The following DCLK2 variants were observed in gnomAD, a reference collection of about 807,000 sequenced individuals.
DCLK2 encodes the protein doublecortin like kinase 2, also known as serine/threonine-protein kinase DCLK2.
Under a neutral mutation model 78.4 loss-of-function variants are expected in DCLK2, and 31 were observed. The ratio of observed to expected loss-of-function variants is 0.40; its 90% CI spans 0.30 to 0.53. The LOEUF (loss-of-function observed/expected upper bound fraction) is 0.53, where lower values mean the gene tolerates loss of function less well. Ranked by LOEUF, DCLK2 falls within the 20% of genes least tolerant of loss-of-function variation. The pLI, the probability that DCLK2 is intolerant of heterozygous loss-of-function variation, is 0.61. For synonymous variants in DCLK2, 407 were observed against 374.9 expected, an observed-to-expected ratio of 1.09 and a Z score of -0.99; for missense variants, 872 against 973.7, an observed-to-expected ratio of 0.90 and a Z score of 1.39.
intron 4 of DCLK2, 101 bp from the exon 5 acceptor site, chr4:150,203,694 C>T (rs1320493796): frequency 2.5e-6 from 2 of 785,632 alleles, no homozygotes; most frequent in African/African-American, 1.8e-5. Context: ...CGAGTTGAAG[C>T]TTCATTGGAC....
chr4:150,209,147 G>A (rs751645536), intron 5 of DCLK2, among the ~76,000 whole-genome samples: 1 of 152,232 alleles, frequency 6.6e-6, no homozygotes, highest in African/African-American at 2.4e-5. Flanking sequence ...AGTTATTAAA[G>A]GCTAACGCCA....
chr4:150,200,303 C>T (rs1203290996), intron 4 of DCLK2, among the ~76,000 whole-genome samples: 1 of 152,052 alleles, frequency 6.6e-6, no homozygotes, highest in African/African-American at 2.4e-5. Context: ...TAGAGTAAGC[C>T]TCAAACTCAT....
At chr4:150,224,148 A>C (rs566571744) in intron 7 of DCLK2, among the ~76,000 whole-genome samples, 17 of 152,274 alleles carry the variant, frequency 1.1e-4, no homozygotes, top group Middle Eastern at 3.4e-3. Context: ...TTTAATTAAC[A>C]TACAGTATGG....
chr4:150,087,324 T>G (rs1197405617), intron 1 of DCLK2, among the ~76,000 whole-genome samples: 2 of 152,244 alleles, frequency 1.3e-5, no homozygotes, highest in African/African-American at 4.8e-5. Context: ...TTTGTTATAG[T>G]TACTTGCAAC....
At chr4:150,139,986 T>G (rs1402382060) in intron 2 of DCLK2, among the ~76,000 whole-genome samples, 1 of 152,234 alleles carries the variant, frequency 6.6e-6, no homozygotes, top group Non-Finnish European at 1.5e-5. Context: ...ATGTCACTGC[T>G]TAGTTAGAGC....
intron 1 of DCLK2, among the ~76,000 whole-genome samples, chr4:150,091,390 CT>C (rs1434359099): frequency 3.7e-4 from 57 of 152,152 alleles, no homozygotes; most frequent in Non-Finnish European, 4.4e-5. Context: ...CTTTTCTTTC[CT>C]TTTTGTCTTC....
chr4:150,203,602 G>GTTT lies in DCLK2; in HGVS notation c.962-181_962-179dup, dbSNP rs5862912. 3.3e-3 allele frequency among the ~76,000 whole-genome samples: 472 copies of GTTT among 142,002 alleles called. 3 individuals carry two copies. The highest frequency in any genetic ancestry group is 8.6e-3 in the East Asian group (42 of 4,904). The allele number at this position is 142,002 out of a possible 152,430, so 93.2% of individuals were successfully genotyped here. On this transcript the variant is annotated intron_variant, in intron 4 of 15. Transcript: ENST00000296550. ...TTGAAAATAGTTCTAGTTTCACTCTGTTTTTTTTTTTTTTGTCTGTAATGC... is the reference window on the plus strand; with the variant it reads ...TTGAAAATAGTTCTAGTTTCACTCTGTTTTTTTTTTTTTTTTTGTCTGTAATGC...
intron 2 of DCLK2, among the ~76,000 whole-genome samples, chr4:150,173,421 G>A (rs1040082829): frequency 3.3e-5 from 5 of 152,154 alleles, no homozygotes; most frequent in African/African-American, 1.2e-4. Context: ...ATAAGACAAA[G>A]AGCAGACAGA....
In DCLK2 at chr4:150,088,633, C is replaced by G. The variant is rs943861523; in HGVS notation, c.421+9185C>G. ...TTTGAGATGATGGTCATGCTTTCCT[C>G]TACTACTGATTGAGTGTCCCTCATC... On this transcript the variant is annotated intron_variant, in intron 1 of 15. Transcript: ENST00000296550. Among the ~76,000 whole-genome samples the G allele has an allele frequency of 4.6e-5, 7 of 152,100 alleles. 1 individual carries two copies. Among genetic ancestry groups the G allele is most frequent in the Admixed American group, 4.6e-4 (7 of 15,268 alleles).
At chr4:150,249,465 G>C in intron 14 of DCLK2, 103 bp from the exon 15 acceptor site, 1 of 873,296 alleles carries the variant, frequency 1.1e-6, no homozygotes, top group Non-Finnish European at 1.9e-6. Context: ...TTTAGGAAGA[G>C]GTCAGGAGGG....
At chr4:150,143,639 T>C (rs1453895234) in intron 2 of DCLK2, among the ~76,000 whole-genome samples, 1 of 152,230 alleles carries the variant, frequency 6.6e-6, no homozygotes, top group Non-Finnish European at 1.5e-5. Flanking sequence ...CATTCTGTTT[T>C]CCATACAGGT....
intron 8 of DCLK2, among the ~76,000 whole-genome samples, chr4:150,228,802 G>A (rs1285197280): frequency 6.6e-6 from 1 of 152,120 alleles, no homozygotes; most frequent in Non-Finnish European, 1.5e-5. Context: ...CGAGGCGGGT[G>A]GATCATGAGG....
intron 2 of DCLK2, among the ~76,000 whole-genome samples, chr4:150,128,768 G>T (rs1364092424): frequency 6.6e-6 from 1 of 152,146 alleles, no homozygotes. Flanking sequence ...GATAAAGTGG[G>T]TCAGGATAGT....
chr4:150,124,745 G>T (rs1217646980), intron 2 of DCLK2, among the ~76,000 whole-genome samples: 3 of 152,154 alleles, frequency 2.0e-5, no homozygotes, highest in Non-Finnish European at 4.4e-5. Flanking sequence ...GCTTAATACA[G>T]TAGCCCAAAT....
chr4:150,126,763 CAG>C (rs1247976393), intron 2 of DCLK2, among the ~76,000 whole-genome samples: 1 of 152,210 alleles, frequency 6.6e-6, no homozygotes, highest in African/African-American at 2.4e-5. Flanking sequence ...AGGAAATCAA[CAG>C]AGTTGGTGCT....
chr4:150,139,447 A>G (rs536557011), intron 2 of DCLK2, among the ~76,000 whole-genome samples: 22 of 152,330 alleles, frequency 1.4e-4, no homozygotes, highest in African/African-American at 5.3e-4. Context: ...TTAACTTGAT[A>G]GCCTGGATTC....
At chr4:150,253,538 A>T (rs1352941478) in intron 15 of DCLK2, 3 of 1,289,624 alleles carry the variant, frequency 2.3e-6, no homozygotes. Flanking sequence ...ACAGTGGGAG[A>T]GCCTGAAGCA....
intron 2 of DCLK2, among the ~76,000 whole-genome samples, chr4:150,164,495 T>C (rs1735925498): frequency 6.6e-6 from 1 of 152,168 alleles, no homozygotes; most frequent in Non-Finnish European, 1.5e-5. Flanking sequence ...TAAGTACATA[T>C]ATTGTTTAAA....
chr4:150,200,475 T>C (rs1400524132), intron 4 of DCLK2, among the ~76,000 whole-genome samples: 1 of 152,228 alleles, frequency 6.6e-6, no homozygotes, highest in Non-Finnish European at 1.5e-5. Flanking sequence ...ACTATATTTA[T>C]CTGTATAGTG....
Sources: allele counts gnomAD v4.1 joint callset (sites outside exome capture counted in the v4.1 genomes callset), GRCh38; gene constraint gnomAD v4.1.1; transcripts MANE v1.5; gene names NCBI Gene and HGNC (gene_info 2026-07-23, HGNC 2026-07-21).